ADIPOR1: variants seen among roughly 807,000 people sequenced by gnomAD.
ADIPOR1 encodes the protein adiponectin receptor 1, also known as adiponectin receptor protein 1.
In ADIPOR1, 15 loss-of-function variants were observed where a neutral mutation model predicts 37.5. The observed-to-expected ratio is 0.40, with a 90% CI of 0.27 to 0.62. The LOEUF is 0.62. Ranked by LOEUF, ADIPOR1 falls within the 20% of genes least tolerant of loss-of-function variation. The pLI, the probability that ADIPOR1 is intolerant of heterozygous loss-of-function variation, is 0.42. For missense variants in ADIPOR1, 286 were observed against 478.0 expected (o/e 0.60, Z 3.75); for synonymous variants, 173 against 173.2 (o/e 1.00, Z 0.01).
intron 3 of ADIPOR1, among the ~76,000 whole-genome samples, chr1:202,946,896 C>T (rs1009748510): frequency 5.3e-5 from 8 of 151,648 alleles, no homozygotes; most frequent in Non-Finnish European, 8.8e-5. Flanking sequence ...AGGTGGATCA[C>T]CTGAGGTCAG....
chr1:202,947,754 G>C (rs1361694919), intron 3 of ADIPOR1, among the ~76,000 whole-genome samples: 1 of 151,968 alleles, frequency 6.6e-6, no homozygotes, highest in Non-Finnish European at 1.5e-5. Context: ...ATGCACTATG[G>C]ACAGGATCCA....
At chr1:202,945,425 C>T (rs1342386) in intron 4 of ADIPOR1, among the ~76,000 whole-genome samples, 80,261 of 152,088 alleles carry the variant, frequency 0.53, 21,289 homozygotes, top group East Asian at 0.62. Flanking sequence ...AAATTATAAA[C>T]TAGTATAACC....
chr1:202,954,824 T>C lies in ADIPOR1; in HGVS notation c.-95+3361A>G, dbSNP rs960570041. 2.6e-5 allele frequency among the ~76,000 whole-genome samples: 4 copies of C among 152,210 alleles called. No individual in the cohort carries two copies. The East Asian group carries it at 5.8e-4, about 22-fold the overall frequency. Reference sequence around the variant, plus strand: ...GTTAGCTGGAGAGTTATTTCACTTATAGTTTTTGGAGACATTTATATTGTG... The same window carrying C: ...GTTAGCTGGAGAGTTATTTCACTTACAGTTTTTGGAGACATTTATATTGTG... On this transcript the variant is annotated intron_variant, in intron 1 of 7. Transcript: ENST00000340990.
Position 202,945,891 on chromosome 1 carries a change from AG to A in ADIPOR1, c.430+547del, listed in dbSNP as rs1654291270. On this transcript the variant is annotated intron_variant, in intron 4 of 7. Transcript: ENST00000340990. ...GGAGGGGGAGATAGGGGTGTGAGAC[AG>A]AAAAACTACATATTGAGTACAATGT... is the stretch of plus-strand genomic sequence containing the variant. Among the ~76,000 whole-genome samples, 4 of 152,286 alleles carry A rather than the reference AG, an allele frequency of 2.6e-5. No homozygotes were observed. The South Asian group carries it at 8.3e-4, about 32-fold the overall frequency.
intron 3 of ADIPOR1, among the ~76,000 whole-genome samples, chr1:202,947,394 T>C (rs1299747228): frequency 6.7e-6 from 1 of 150,176 alleles, no homozygotes; most frequent in East Asian, 2.0e-4. Flanking sequence ...TGGTGGCACA[T>C]GCCTGTAATC....
At chr1:202,947,522 A>T (rs867004460) in intron 3 of ADIPOR1, among the ~76,000 whole-genome samples, 8 of 150,672 alleles carry the variant, frequency 5.3e-5, no homozygotes, top group African/African-American at 7.3e-5. Flanking sequence ...GTCTCAAAAA[A>T]ATATATATAT....
intron 4 of ADIPOR1, among the ~76,000 whole-genome samples, chr1:202,945,713 AC>A (rs1654280664): frequency 6.6e-6 from 1 of 152,242 alleles, no homozygotes; most frequent in Admixed American, 6.5e-5. Context: ...TTTTGCAGCA[AC>A]CTGGATGAAG....
At chr1:202,950,352 T>C (rs1173309601) in intron 2 of ADIPOR1, among the ~76,000 whole-genome samples, 1 of 151,904 alleles carries the variant, frequency 6.6e-6, no homozygotes, top group East Asian at 2.0e-4. Flanking sequence ...GGCAGGAGGA[T>C]CACTTGAGCC....
chr1:202,953,444 T>C (rs1350066281), intron 1 of ADIPOR1, among the ~76,000 whole-genome samples: 2 of 152,124 alleles, frequency 1.3e-5, no homozygotes, highest in African/African-American at 2.4e-5. Context: ...ACATGGATCA[T>C]AAAATAATAA....
At chr1:202,952,346 G>A (rs907460161) in intron 1 of ADIPOR1, among the ~76,000 whole-genome samples, 1 of 152,154 alleles carries the variant, frequency 6.6e-6, no homozygotes, top group Non-Finnish European at 1.5e-5. Flanking sequence ...TCCGGGAGAG[G>A]AAACTTAAGC....
chr1:202,946,299 A>G (rs1241269946), intron 4 of ADIPOR1, 140 bp downstream of exon 4: 5 of 999,672 alleles, frequency 5.0e-6, no homozygotes, highest in Middle Eastern at 3.3e-4. Context: ...GGGTCAACCA[A>G]GGTTATTAGC....
chr1:202,951,233 T>C (rs1654570832), intron 1 of ADIPOR1, 69 bp from the exon 2 acceptor site: 1 of 772,734 alleles, frequency 1.3e-6, no homozygotes, highest in East Asian at 2.7e-5. Context: ...TATACTCTAA[T>C]ACTGAATAAG....
Position 202,945,138 on chromosome 1 carries a change from C to A in ADIPOR1, c.462G>T (p.Leu154Phe). Residue 154 changes from leucine (L) to phenylalanine (F), a missense_variant, in exon 5 of 8, where the codon TTG becomes TTT. Physicochemically the swap from Leu to Phe is conservative, Grantham distance 22. Transcript: ENST00000340990. The stretch of plus-strand genomic sequence containing the variant: ...AGTACATATTTGGTCTGAGCATGGT[C>A]AAGATTCCCAAAAAGAGAAACAGCA... ...GFVLFLFLGI[L>F]TMLRPNMYFM... The A allele has an allele frequency of 6.2e-7, 1 of 1,609,996 alleles. No individual in the cohort carries two copies. The highest frequency in any genetic ancestry group is 1.1e-5 in the South Asian group (1 of 90,444).
intron 1 of ADIPOR1, chr1:202,954,317 C>T (rs1475417754): frequency 6.6e-6 from 1 of 152,182 alleles, no homozygotes; most frequent in Non-Finnish European, 1.5e-5. Flanking sequence ...ACTGTAGTAA[C>T]ACAGAGACAG....
At chr1:202,949,040 C>T (rs76403933) in intron 2 of ADIPOR1, among the ~76,000 whole-genome samples, 5,585 of 151,872 alleles carry the variant, frequency 0.037, 326 homozygotes, top group East Asian at 0.22. Context: ...ATCCTCCTGC[C>T]TCGGCCTCCC....
chr1:202,942,346 G>A (rs1395199411), intron 6 of ADIPOR1, 128 bp from the exon 7 acceptor site: 2 of 818,750 alleles, frequency 2.4e-6, no homozygotes, highest in African/African-American at 1.7e-5. Context: ...ACATGTTTAG[G>A]AAACTTAGCT....
At chr1:202,944,417 T>G (rs906902805) in intron 5 of ADIPOR1, 3 of 154,370 alleles carry the variant, frequency 1.9e-5, no homozygotes, top group Admixed American at 6.5e-5. Flanking sequence ...CTTACTGGTG[T>G]TGTTAGAAAA....
intron 6 of ADIPOR1, 112 bp downstream of exon 6, chr1:202,943,646 T>C (rs1194121907): frequency 8.3e-7 from 1 of 1,205,756 alleles, no homozygotes; most frequent in Non-Finnish European, 1.2e-6. Context: ...GAAACACAAA[T>C]CAGGGTTTGG....
intron 6 of ADIPOR1, 47 bp downstream of exon 6, chr1:202,943,711 C>G (rs372051219): frequency 9.5e-6 from 15 of 1,586,644 alleles, no homozygotes; most frequent in Admixed American, 1.7e-5. Flanking sequence ...GCCTATCAGG[C>G]CTAAGGTCTA....
Sources: allele counts gnomAD v4.1 joint callset (sites outside exome capture counted in the v4.1 genomes callset), GRCh38; gene constraint gnomAD v4.1.1; transcripts MANE v1.5; gene names NCBI Gene and HGNC (gene_info 2026-07-23, HGNC 2026-07-21).